Variants in PSG8 observed in about 807,000 individuals in gnomAD.
The protein encoded by PSG8 is pregnancy-specific beta-1-glycoprotein 8.
In PSG8, 57 loss-of-function variants were observed where a neutral mutation model predicts 42.5. That is an observed-to-expected ratio of 1.34 (90% CI 1.08 to 1.67). PSG8 has a LOEUF of 1.67. Among genes scored for constraint, PSG8 ranks in the 40% most tolerant of loss-of-function variants. The pLI, the probability that PSG8 is intolerant of heterozygous loss-of-function variation, is 0.00. For missense variants in PSG8, 783 were observed against 518.6 expected (o/e 1.51, Z -4.95); for synonymous variants, 280 against 196.8 (o/e 1.42, Z -3.54).
Position 42,763,910 on chromosome 19 carries a change from A to C in PSG8, c.430+6T>G, listed in dbSNP as rs745417777. Reference sequence around the variant, plus strand: ...CAACACCCAGGGATCATGTGGAATCACTCACGATATAAGGTGAAGGTGAAA... The same window carrying C: ...CAACACCCAGGGATCATGTGGAATCCCTCACGATATAAGGTGAAGGTGAAA... On this transcript the variant is annotated splice_donor_region_variant and intron_variant, in intron 2 of 4. Coordinates refer to ENST00000306511, the MANE Select transcript of PSG8 (RefSeq NM_182707.3). 2.1e-5 allele frequency: 34 copies of C among 1,613,552 alleles called. 2 individuals carry two copies. In the South Asian group the frequency reaches 3.4e-4, roughly 16 times the overall value.
chr19:42,755,295 C>G (rs1449226604), intron 3 of PSG8, 29 bp from the exon 4 acceptor site: 4 of 1,592,740 alleles, frequency 2.5e-6, no homozygotes, highest in Non-Finnish European at 3.4e-6. Context: ...GAAGATTGTC[C>G]TGTGTGGCAC....
At position 42,763,320 on chromosome 19, in the gene PSG8, C is replaced by G. The variant is rs151064685; in HGVS notation, c.430+596G>C. ...AGCTTGTCTTTCTGTCCTCTCCACT[C>G]TGAGTGTCAGGTGAAGAAAACTCTG... On this transcript the variant is annotated intron_variant, in intron 2 of 4. Transcript: ENST00000306511. Among the ~76,000 whole-genome samples, 899 of 152,258 alleles carry G rather than the reference C, an allele frequency of 5.9e-3. 7 individuals carry two copies. The highest frequency in any genetic ancestry group is 0.019 in the African/African-American group (793 of 41,554).
chr19:42,764,296 G>T lies in PSG8; in HGVS notation c.65-15C>A. On this transcript the variant is annotated splice_polypyrimidine_tract_variant and intron_variant, in intron 1 of 4. Coordinates refer to ENST00000306511, the MANE Select transcript of PSG8 (RefSeq NM_182707.3). ...TAAAAGTGATGCTAGGAGGTGGAGA[G>T]AGCATCAGTCAATATTGAGAGCTAT... 1 of 1,608,540 alleles carries T rather than the reference G, an allele frequency of 6.2e-7. No homozygotes were observed. The highest frequency in any genetic ancestry group is 2.2e-5 in the East Asian group (1 of 44,810).
intron 2 of PSG8, among the ~76,000 whole-genome samples, chr19:42,763,433 G>A (rs899649495): frequency 3.3e-5 from 5 of 152,204 alleles, no homozygotes; most frequent in South Asian, 4.1e-4. Flanking sequence ...GTAAATCCTC[G>A]GTCCCAGTAA....
intron 2 of PSG8, among the ~76,000 whole-genome samples, chr19:42,761,820 ATTTTTTTTT>A (rs58868359): frequency 0.028 from 1,968 of 70,256 alleles, 10 homozygotes; most frequent in African/African-American, 0.087. Flanking sequence ...CATTTCAATA[ATTTTTTTTT>A]TTTTTTTTTT....
chr19:42,759,853 C>G (rs1414202686), intron 2 of PSG8, among the ~76,000 whole-genome samples: 2 of 152,094 alleles, frequency 1.3e-5, no homozygotes. Flanking sequence ...TTAGGTGTGC[C>G]ATGAATTCCA....
intron 4 of PSG8, 114 bp from the exon 5 acceptor site, chr19:42,754,701 C>G: frequency 7.4e-7 from 1 of 1,357,882 alleles, no homozygotes; most frequent in African/African-American, 1.5e-5. Context: ...CAAGTCCCAG[C>G]CCAACCCCCT....
intron 3 of PSG8, chr19:42,755,853 G>T (rs1456932763): frequency 6.4e-6 from 1 of 157,100 alleles, no homozygotes; most frequent in Non-Finnish European, 1.4e-5. Context: ...GAGGCTCAAG[G>T]TGGGGCAGTT....
chr19:42,757,148 G>T (rs899419104), intron 3 of PSG8, among the ~76,000 whole-genome samples: 6 of 151,990 alleles, frequency 3.9e-5, no homozygotes, highest in African/African-American at 1.5e-4. Context: ...TTCATTGTTA[G>T]TGTATAGTCT....
rs768349850 is a variant in PSG8 at position 42,758,022 on chromosome 19, G to T, written c.689C>A (p.Pro230Gln). ...RNPVSASRSD[P>Q]FTLNLLPKLP... ...CTCACGGAGGAGATTCAGGGTGAAT[G>T]GGTCACTGCGGCTGGCACTCACTGG... Residue 230 changes from proline (P) to glutamine (Q), a missense_variant, in exon 3 of 5, where the codon CCA becomes CAA. Coordinates refer to ENST00000306511, the MANE Select transcript of PSG8 (RefSeq NM_182707.3). 8 of 1,613,918 alleles carry T rather than the reference G, an allele frequency of 5.0e-6. No individual in the cohort carries two copies. In the African/African-American group the frequency reaches 6.7e-5, roughly 13 times the overall value.
chr19:42,754,529 G>T lies in PSG8; in HGVS notation c.1047C>A (p.Val349=), dbSNP rs1307351344. The change falls in exon 5 of 5, where the codon GTC becomes GTA. Residue 349 remains valine, a synonymous_variant. Coordinates refer to ENST00000306511, the MANE Select transcript of PSG8 (RefSeq NM_182707.3). ...AGTCCGCAGAACAGGACAAGTAGAG[G>T]ACTTCTCCTGAACGGTAATAGGTGA... The part of the protein sequence containing the change: ...PSFTYYRSGE[V]LYLSCSADSN... 1.9e-6 allele frequency: 3 copies of T among 1,613,796 alleles called. No individual in the cohort carries two copies. The highest frequency in any genetic ancestry group is 1.1e-5 in the South Asian group (1 of 91,054).
intron 2 of PSG8, 78 bp downstream of exon 2, chr19:42,763,838 A>C (rs1970137920): frequency 1.2e-6 from 2 of 1,608,598 alleles, no homozygotes; most frequent in Non-Finnish European, 1.7e-6. Context: ...GGCAATGTCC[A>C]GGCCTGACAA....
At position 42,755,217 on chromosome 19, in the gene PSG8, C is replaced by A. The variant is rs144938138; in HGVS notation, c.759G>T (p.Glu253Asp). ...YITINNLKPR[E>D]NKDVLNFTCE... is the part of the protein sequence containing the mutation. ...AGGTGAAGTTTAAGACATCCTTATT[C>A]TCCCTGGGTTTTAAGTTGTTGATGG... The change falls in exon 4 of 5, where the codon GAG becomes GAT. Residue 253 changes from glutamate (E) to aspartate (D), a missense_variant. Transcript: ENST00000306511. The A allele has an allele frequency of 6.2e-7, 1 of 1,612,062 alleles. No individual in the cohort carries two copies. Among genetic ancestry groups the A allele is most frequent in the Non-Finnish European group, 8.5e-7 (1 of 1,179,792 alleles).
intron 2 of PSG8, chr19:42,758,634 G>T (rs947183486): frequency 6.7e-6 from 2 of 297,884 alleles, no homozygotes; most frequent in South Asian, 6.9e-5. Context: ...TGCAGTGCTG[G>T]AATCTTCTTA....
chr19:42,755,136 G>A lies in PSG8; in HGVS notation c.840C>T (p.Leu280=), dbSNP rs761032137. 2.5e-6 allele frequency: 4 copies of A among 1,611,722 alleles called. No individual in the cohort carries two copies. The Admixed American group carries it at 6.7e-5, about 27-fold the overall frequency. Residue 280 remains leucine, a synonymous_variant, in exon 4 of 5, where the codon CTC becomes CTT. Coordinates refer to ENST00000306511, the MANE Select transcript of PSG8 (RefSeq NM_182707.3). ...TYIWWLNGQS[L]PVSPRVKRPI... ...GTCGCTTTACCCTGGGACTGACCGG[G>A]AGGCTCTGACCATTTAGCCACCAAA...
At chr19:42,761,034 G>T (rs1160631080) in intron 2 of PSG8, among the ~76,000 whole-genome samples, 11 of 152,064 alleles carry the variant, frequency 7.2e-5, no homozygotes, top group Non-Finnish European at 1.2e-4. Flanking sequence ...ATAGCAGGTT[G>T]AGGATGGAGT....
In PSG8 at chr19:42,765,573, G is replaced by A. The variant is rs753133021; in HGVS notation, c.9C>T (p.Leu3=). The change falls in exon 1 of 5, where the codon CTC becomes CTT. Residue 3 remains leucine (L), a synonymous_variant. Transcript: ENST00000306511. MG[L]LSAPPCTQRI... ...GCTGTGTGCAGGGAGGGGCTGAGAG[G>A]AGCCCCATGGTCTCTGCTGTCTGTG... is the stretch of plus-strand genomic sequence containing the variant. The A allele has an allele frequency of 3.1e-5, 50 of 1,610,868 alleles. No homozygotes were observed. The highest frequency in any genetic ancestry group is 4.2e-5 in the Non-Finnish European group (49 of 1,177,972).
chr19:42,761,414 T>C (rs1970070229), intron 2 of PSG8, among the ~76,000 whole-genome samples: 2 of 152,190 alleles, frequency 1.3e-5, no homozygotes, highest in African/African-American at 4.8e-5. Context: ...ACTGCTCCGA[T>C]GTCATTTGGC....
At position 42,764,129 on chromosome 19, in the gene PSG8, T is replaced by A; in HGVS notation, c.217A>T (p.Arg73Trp). The A allele has an allele frequency of 6.2e-7, 1 of 1,613,942 alleles. No individual in the cohort carries two copies. The change falls in exon 2 of 5, where the codon AGG (arginine) becomes TGG (tryptophan). Residue 73 changes from arginine to tryptophan, a missense_variant. Physicochemically the swap from Arg to Trp is moderately radical, Grantham distance 101. Transcript: ENST00000306511. Reference sequence around the variant, plus strand: ...GATGTAATGTAATGGTAGAGGTCCCTGATTTGCCCTTTGTACCAGATGTAG... The same window carrying A: ...GATGTAATGTAATGGTAGAGGTCCCAGATTTGCCCTTTGTACCAGATGTAG... ...TGYIWYKGQI[R>W]DLYHYITSYV... is the part of the protein sequence containing the mutation.
Sources: gnomAD v4.1 joint callset for allele counts (sites outside exome capture counted in the v4.1 genomes callset) on GRCh38, gnomAD v4.1.1 for gene constraint, MANE v1.5 for transcripts, NCBI Gene and HGNC (gene_info 2026-07-23, HGNC 2026-07-21) for gene names.